The following TBL1X variants were observed in gnomAD, a reference collection of about 807,000 sequenced individuals.
TBL1X encodes the protein F-box-like/WD repeat-containing protein TBL1X.
TBL1X carries 10 observed loss-of-function variants against 50.7 expected under a neutral mutation model. That is an observed-to-expected ratio of 0.20 (90% CI 0.12 to 0.33). The LOEUF is 0.33. Among genes scored for constraint, TBL1X ranks in the 10% least tolerant of loss-of-function variants. The pLI, the probability that TBL1X is intolerant of heterozygous loss-of-function variation, is 1.00. For missense variants in TBL1X, 340 were observed against 504.4 expected (o/e 0.67, Z 3.12); for synonymous variants, 190 against 214.7 (o/e 0.88, Z 1.01).
At chrX:9,678,141 A>G (rs776673028) in intron 5 of TBL1X, among the ~76,000 whole-genome samples, 1 of 112,184 alleles carries the variant, frequency 8.9e-6, no homozygotes, top group Non-Finnish European at 1.9e-5. Flanking sequence ...TCGTATTATT[A>G]TCATCATATT....
chrX:9,468,544 G>C (rs949214792), intron 1 of TBL1X, among the ~76,000 whole-genome samples: 5 of 111,302 alleles, frequency 4.5e-5, no homozygotes, highest in African/African-American at 1.6e-4. Context: ...ACGTCCAAGT[G>C]AGCCCCAGAG....
At chrX:9,688,425 C>A in intron 7 of TBL1X, 150 bp downstream of exon 7, 1 of 515,908 alleles carries the variant, frequency 1.9e-6, no homozygotes, top group Non-Finnish European at 2.9e-6. Context: ...GCCGGAAGAA[C>A]TTCCCGTTCC....
intron 5 of TBL1X, among the ~76,000 whole-genome samples, chrX:9,663,906 A>G (rs1184466887): frequency 1.8e-5 from 2 of 111,176 alleles, no homozygotes; most frequent in East Asian, 2.8e-4. Flanking sequence ...CGTGCGTACA[A>G]AGGAAGGTTA....
intron 2 of TBL1X, among the ~76,000 whole-genome samples, chrX:9,634,730 A>G (rs1490701487): frequency 2.7e-5 from 3 of 111,285 alleles, no homozygotes; most frequent in Non-Finnish European, 3.8e-5. Flanking sequence ...GATGACACAT[A>G]CTAAACATCT....
intron 2 of TBL1X, among the ~76,000 whole-genome samples, chrX:9,509,352 C>T (rs1198262649): frequency 4.0e-5 from 3 of 75,164 alleles, no homozygotes; most frequent in Admixed American, 1.9e-4. Context: ...GGCGACAAAG[C>T]GAGACTCTGT....
At chrX:9,689,716 A>G (rs1283427381) in intron 7 of TBL1X, among the ~76,000 whole-genome samples, 1 of 112,696 alleles carries the variant, frequency 8.9e-6, no homozygotes, top group Non-Finnish European at 1.9e-5. Flanking sequence ...TCCTGCCTGG[A>G]GTTACCAGGC....
Position 9,633,679 on chromosome X carries a change from A to C in TBL1X, c.-130-6594A>C, listed in dbSNP as rs192471174. On this transcript the variant is annotated intron_variant, in intron 2 of 17. Coordinates refer to ENST00000645353, the MANE Select transcript of TBL1X (RefSeq NM_005647.4). ...TCACCTTTAGATTTCAAGCTTGCAG[A>C]GTCTTAAAAAAATACACATTGGAGA... Among the ~76,000 whole-genome samples, 8 of 112,457 alleles carry C rather than the reference A, an allele frequency of 7.1e-5. No homozygotes were observed. The East Asian group carries it at 1.4e-3, about 20-fold the overall frequency.
intron 1 of TBL1X, among the ~76,000 whole-genome samples, chrX:9,483,461 G>A (rs1177699782): frequency 1.0e-5 from 1 of 96,922 alleles, no homozygotes; most frequent in Non-Finnish European, 2.2e-5. Context: ...AACCCTGAGC[G>A]CCCCTTGGCT....
At chrX:9,619,111 A>G (rs556551300) in intron 2 of TBL1X, among the ~76,000 whole-genome samples, 121 of 112,450 alleles carry the variant, frequency 1.1e-3, no homozygotes, top group Middle Eastern at 9.2e-3. Context: ...CTCATGATGT[A>G]AGCCCATATG....
chrX:9,566,006 T>TA (rs1237709527), intron 2 of TBL1X, among the ~76,000 whole-genome samples: 1 of 112,130 alleles, frequency 8.9e-6, no homozygotes, highest in Non-Finnish European at 1.9e-5. Context: ...ACCTGCATTT[T>TA]AAAAAAAATT....
chrX:9,579,877 A>G (rs183691796), intron 2 of TBL1X, among the ~76,000 whole-genome samples: 2 of 111,525 alleles, frequency 1.8e-5, no homozygotes, highest in African/African-American at 6.5e-5. Context: ...ACAAAGGAAG[A>G]GGCAACTAAG....
intron 2 of TBL1X, among the ~76,000 whole-genome samples, chrX:9,633,828 C>T (rs1472820251): frequency 2.7e-5 from 3 of 111,446 alleles, no homozygotes; most frequent in East Asian, 2.8e-4. Context: ...ATAGAGAAAC[C>T]GGGGAGAGTC....
chrX:9,548,034 C>T (rs1362550272), intron 2 of TBL1X, among the ~76,000 whole-genome samples: 1 of 106,252 alleles, frequency 9.4e-6, no homozygotes, highest in Non-Finnish European at 1.9e-5. Flanking sequence ...GCTGCCACCA[C>T]CACCGCTACC....
At chrX:9,665,896 T>C (rs1276999342) in intron 5 of TBL1X, among the ~76,000 whole-genome samples, 3 of 110,595 alleles carry the variant, frequency 2.7e-5, no homozygotes, top group Non-Finnish European at 5.7e-5. Context: ...GTGTGTGTAA[T>C]AACTAGGTAG....
At chrX:9,647,943 G>A (rs2082813569) in intron 3 of TBL1X, among the ~76,000 whole-genome samples, 1 of 111,787 alleles carries the variant, frequency 8.9e-6, no homozygotes, top group Non-Finnish European at 1.9e-5. Flanking sequence ...GATATTTTCT[G>A]TGCATCGGGC....
chrX:9,596,917 G>A (rs1437390450), intron 2 of TBL1X, among the ~76,000 whole-genome samples: 6 of 111,126 alleles, frequency 5.4e-5, no homozygotes, highest in Non-Finnish European at 1.1e-4. Flanking sequence ...TCTAGATGCC[G>A]ATTTAAAGTC....
chrX:9,563,958 C>T (rs976791528), intron 2 of TBL1X, among the ~76,000 whole-genome samples: 2 of 112,286 alleles, frequency 1.8e-5, no homozygotes, highest in Non-Finnish European at 3.8e-5. Context: ...ATGCACTTCC[C>T]GGATTTAAAA....
At chrX:9,480,141 A>G (rs2081873310) in intron 1 of TBL1X, among the ~76,000 whole-genome samples, 1 of 111,304 alleles carries the variant, frequency 9.0e-6, no homozygotes, top group Non-Finnish European at 1.9e-5. Flanking sequence ...TTTAGTAGAG[A>G]CAGGGTTTCT....
At chrX:9,632,893 A>G (rs2082728658) in intron 2 of TBL1X, among the ~76,000 whole-genome samples, 1 of 111,926 alleles carries the variant, frequency 8.9e-6, no homozygotes, top group South Asian at 3.7e-4. Context: ...TTCAGCTATA[A>G]AAGCTATTAC....
Sources: allele counts gnomAD v4.1 joint callset (sites outside exome capture counted in the v4.1 genomes callset), GRCh38; gene constraint gnomAD v4.1.1; transcripts MANE v1.5; gene names NCBI Gene and HGNC (gene_info 2026-07-23, HGNC 2026-07-21).